Variants in GABRG3 observed in about 807,000 individuals in gnomAD.
GABRG3 encodes the protein gamma-aminobutyric acid receptor subunit gamma-3.
GABRG3 carries 25 observed loss-of-function variants against 48.8 expected under a neutral mutation model. That is an observed-to-expected ratio of 0.51 (90% CI 0.37 to 0.72). GABRG3 has a LOEUF of 0.72. Ranked by LOEUF, GABRG3 falls within the 30% of genes least tolerant of loss-of-function variation. GABRG3 has a pLI of 0.00. For missense variants in GABRG3, 394 were observed against 577.9 expected (o/e 0.68, Z 3.26); for synonymous variants, 227 against 217.6 (o/e 1.04, Z -0.38).
chr15:27,456,689 G>T (rs1889290954), intron 5 of GABRG3, among the ~76,000 whole-genome samples: 1 of 152,164 alleles, frequency 6.6e-6, no homozygotes. Flanking sequence ...GGACTGCAGG[G>T]CTCATAGCGG....
intron 5 of GABRG3, among the ~76,000 whole-genome samples, chr15:27,458,272 C>T (rs891903753): frequency 1.3e-5 from 2 of 152,198 alleles, no homozygotes; most frequent in Non-Finnish European, 2.9e-5. Flanking sequence ...AATATGACAT[C>T]GCTCCATCCT....
intron 3 of GABRG3, among the ~76,000 whole-genome samples, chr15:27,137,748 G>T (rs564136646): frequency 1.4e-4 from 21 of 152,264 alleles, no homozygotes; most frequent in African/African-American, 4.8e-4. Flanking sequence ...AGGCACATGT[G>T]GTTTTTCGTT....
intron 1 of GABRG3, among the ~76,000 whole-genome samples, chr15:26,973,573 C>T (rs1894883513): frequency 6.6e-6 from 1 of 152,052 alleles, no homozygotes; most frequent in Non-Finnish European, 1.5e-5. Context: ...GTGGAAGTTC[C>T]TTGGATAAGG....
chr15:27,347,896 T>C, intron 5 of GABRG3, among the ~76,000 whole-genome samples: 1 of 151,868 alleles, frequency 6.6e-6, no homozygotes, highest in East Asian at 1.9e-4. Context: ...TCAGGGGGGG[T>C]TTCCCTGTGG....
intron 3 of GABRG3, among the ~76,000 whole-genome samples, chr15:27,310,693 A>T (rs1397582299): frequency 2.0e-5 from 3 of 152,178 alleles, no homozygotes; most frequent in Non-Finnish European, 4.4e-5. Context: ...TAAAAAGAAG[A>T]AGTTTGAAGA....
chr15:27,273,546 G>A (rs1206724151), intron 3 of GABRG3, among the ~76,000 whole-genome samples: 2 of 152,202 alleles, frequency 1.3e-5, no homozygotes, highest in Non-Finnish European at 2.9e-5. Context: ...GGAAGCTGAT[G>A]GCTCAAGGCG....
intron 3 of GABRG3, among the ~76,000 whole-genome samples, chr15:27,195,339 TTCTC>T (rs1343630833): frequency 5.3e-5 from 8 of 152,296 alleles, no homozygotes; most frequent in Admixed American, 2.6e-4. Flanking sequence ...CTTTCTCTCT[TTCTC>T]TCTGTCTGTC....
intron 3 of GABRG3, among the ~76,000 whole-genome samples, chr15:27,237,496 C>T (rs1464008901): frequency 3.3e-5 from 5 of 152,154 alleles, no homozygotes; most frequent in Admixed American, 1.3e-4. Flanking sequence ...CGCCAACAGC[C>T]GGGCAGCAGG....
At chr15:27,406,471 T>G (rs1887637214) in intron 5 of GABRG3, among the ~76,000 whole-genome samples, 1 of 152,192 alleles carries the variant, frequency 6.6e-6, no homozygotes, top group Admixed American at 6.5e-5. Context: ...GTGGACAGTG[T>G]GATATGATGT....
chr15:27,306,481 C>A (rs1892458626), intron 3 of GABRG3, among the ~76,000 whole-genome samples: 1 of 136,312 alleles, frequency 7.3e-6, no homozygotes, highest in South Asian at 2.3e-4. Context: ...TATATATAAA[C>A]ATATATATAA....
intron 5 of GABRG3, among the ~76,000 whole-genome samples, chr15:27,455,921 C>T (rs1889261925): frequency 1.3e-5 from 2 of 152,152 alleles, no homozygotes; most frequent in South Asian, 4.1e-4. Flanking sequence ...CACTGTCCCA[C>T]TTTGCCCGTG....
intron 3 of GABRG3, among the ~76,000 whole-genome samples, chr15:27,171,519 T>TATATATATAC (rs1298681977): frequency 6.7e-6 from 1 of 148,376 alleles, no homozygotes; most frequent in Non-Finnish European, 1.5e-5. Flanking sequence ...TATATATATA[T>TATATATATAC]ATATACATAT....
chr15:27,051,230 C>T (rs1896450642), intron 3 of GABRG3, among the ~76,000 whole-genome samples: 2 of 152,180 alleles, frequency 1.3e-5, no homozygotes, highest in African/African-American at 2.4e-5. Context: ...ATGATTAGAC[C>T]TGACCTAAAT....
chr15:27,018,242 A>C (rs2140673172), intron 2 of GABRG3, among the ~76,000 whole-genome samples: 1 of 152,312 alleles, frequency 6.6e-6, no homozygotes, highest in South Asian at 2.1e-4. Flanking sequence ...GACTTGGCAG[A>C]TGCCTTCCTC....
intron 5 of GABRG3, among the ~76,000 whole-genome samples, chr15:27,438,078 G>A (rs1888672307): frequency 6.6e-6 from 1 of 152,154 alleles, no homozygotes; most frequent in Non-Finnish European, 1.5e-5. Context: ...CATGAGATTT[G>A]GAGGGGACAA....
intron 3 of GABRG3, among the ~76,000 whole-genome samples, chr15:27,145,665 T>TATC (rs57021410): frequency 0.076 from 10,505 of 138,354 alleles, 681 homozygotes; most frequent in African/African-American, 0.11. Flanking sequence ...ATCTATCTAT[T>TATC]GTGCCAGAAG....
At chr15:27,375,015 G>A (rs1363322629) in intron 5 of GABRG3, among the ~76,000 whole-genome samples, 2 of 152,096 alleles carry the variant, frequency 1.3e-5, no homozygotes, top group Non-Finnish European at 2.9e-5. Context: ...TAGGGGAAAG[G>A]GACATGGAGA....
chr15:27,034,052 T>A (rs1474095794), intron 3 of GABRG3, among the ~76,000 whole-genome samples: 2 of 152,196 alleles, frequency 1.3e-5, no homozygotes, highest in African/African-American at 4.8e-5. Context: ...GATCTCCAGA[T>A]CATTGTCATC....
At chr15:27,492,043 C>T (rs1035755369) in intron 6 of GABRG3, among the ~76,000 whole-genome samples, 1 of 152,152 alleles carries the variant, frequency 6.6e-6, no homozygotes, top group Non-Finnish European at 1.5e-5. Context: ...TACCAAAAGC[C>T]TTTGTTTTAT....
Sources: gnomAD v4.1 joint callset for allele counts (sites outside exome capture counted in the v4.1 genomes callset) on GRCh38, gnomAD v4.1.1 for gene constraint, MANE v1.5 for transcripts, NCBI Gene and HGNC (gene_info 2026-07-23, HGNC 2026-07-21) for gene names.